OPRM1: variants seen among roughly 807,000 people sequenced by gnomAD.
The protein encoded by OPRM1 is mu-type opioid receptor.
In OPRM1, 27 loss-of-function variants were observed where a neutral mutation model predicts 31.8. The ratio of observed to expected loss-of-function variants is 0.85; its 90% confidence interval spans 0.63 to 1.17. OPRM1 has a LOEUF of 1.17. Ranked by LOEUF, OPRM1 falls within the 50% of genes most tolerant of loss-of-function variation. The probability of loss-of-function intolerance (pLI) is 0.00; values close to 1 mark genes in which losing one functional copy is unlikely to be tolerated. For missense variants in OPRM1, 536 were observed against 511.1 expected, an observed-to-expected ratio of 1.05 and a Z score of -0.47; for synonymous variants, 196 against 189.9, an observed-to-expected ratio of 1.03 and a Z score of -0.26.
rs1475058876 is a variant in OPRM1 at position 154,100,036 on chromosome 6, TC to T, written c.1164+8565del. 1.4e-4 allele frequency among the ~76,000 whole-genome samples: 13 copies of T among 91,598 alleles called. No homozygotes were observed. In the Admixed American group the frequency reaches 1.6e-3, roughly 11 times the overall value. 60.1% of individuals were successfully genotyped at this position (91,598 alleles called of 152,430 possible). A position where few individuals can be genotyped will look rare whatever the true frequency, so the allele number is the denominator to read the frequency against. On this transcript the variant is annotated intron_variant, in intron 3 of 3. Coordinates refer to ENST00000330432, the MANE Select transcript of OPRM1 (RefSeq NM_000914.5). Reference sequence around the variant, plus strand: ...ATATATCATAACATATTATATATTATCATATGATATATATCATATGATATAT... The same window carrying T: ...ATATATCATAACATATTATATATTATATATGATATATATCATATGATATAT...
downstream of OPRM1, among the ~76,000 whole-genome samples, chr6:154,132,586 C>T (rs574064588): frequency 9.2e-4 from 140 of 152,286 alleles, no homozygotes; most frequent in African/African-American, 3.3e-3. Flanking sequence ...ACTTCCTAAG[C>T]TAGAATTCTA....
At chr6:154,051,970 A>G (rs1782284697) in intron 1 of OPRM1, among the ~76,000 whole-genome samples, 1 of 152,236 alleles carries the variant, frequency 6.6e-6, no homozygotes, top group Non-Finnish European at 1.5e-5. Flanking sequence ...AATATGTTAC[A>G]TATACACCAT....
chr6:154,152,352 G>GAA lies in OPRM1; in HGVS notation c.1164+60882_1164+60883dup, dbSNP rs1189648340. On this transcript the variant is annotated intron_variant, in intron 3 of 3. Coordinates refer to the OPRM1 transcript ENST00000337049. ...GAAAGAAAGAAAGAAAGAAAGGAAAGAAAGAAAGAAAGAAAGAAAGAAAGA... is the reference window on the plus strand; with the variant it reads ...GAAAGAAAGAAAGAAAGAAAGGAAAGAAAAAGAAAGAAAGAAAGAAAGAAAGA... 2.1e-5 allele frequency among the ~76,000 whole-genome samples: 3 copies of GAA among 140,808 alleles called. No homozygotes were observed. The South Asian group carries it at 6.8e-4, about 32-fold the overall frequency. The allele number at this position is 140,808 out of a possible 152,430, so 92.4% of individuals were successfully genotyped here.
chr6:154,229,824 T>C (rs952281664), intron 3 of OPRM1, among the ~76,000 whole-genome samples: 1 of 152,224 alleles, frequency 6.6e-6, no homozygotes, highest in African/African-American at 2.4e-5. Context: ...ACAACCTAAA[T>C]GTCCATCAGC....
intron 3 of OPRM1, among the ~76,000 whole-genome samples, chr6:154,117,569 C>T (rs1467343994): frequency 6.6e-6 from 1 of 152,136 alleles, no homozygotes; most frequent in Non-Finnish European, 1.5e-5. Flanking sequence ...AGTCTCAGCA[C>T]CTGGGGGAGC....
chr6:154,150,230 A>G (rs1433793899), intron 3 of OPRM1, among the ~76,000 whole-genome samples: 2 of 152,188 alleles, frequency 1.3e-5, no homozygotes, highest in Non-Finnish European at 2.9e-5. Context: ...CCCAGCATGA[A>G]TTCCTGTGGC....
intron 3 of OPRM1, among the ~76,000 whole-genome samples, chr6:154,187,393 T>A (rs1319121353): frequency 6.6e-6 from 1 of 152,226 alleles, no homozygotes; most frequent in African/African-American, 2.4e-5. Flanking sequence ...TCTGTAGGGC[T>A]GTTTATTTTG....
At chr6:154,073,291 C>G (rs756041621) in intron 1 of OPRM1, among the ~76,000 whole-genome samples, 10 of 152,106 alleles carry the variant, frequency 6.6e-5, no homozygotes, top group Non-Finnish European at 1.2e-4. Flanking sequence ...ATCTTCCAGG[C>G]TAGACATAAG....
At chr6:154,089,129 C>T (rs1033139337) in intron 1 of OPRM1, among the ~76,000 whole-genome samples, 4 of 152,126 alleles carry the variant, frequency 2.6e-5, no homozygotes, top group Non-Finnish European at 5.9e-5. Context: ...TACCTATAGA[C>T]ACTTGCACAA....
chr6:154,108,292 C>T (rs899382574), intron 3 of OPRM1: 2 of 310,092 alleles, frequency 6.4e-6, no homozygotes, highest in African/African-American at 2.2e-5. Flanking sequence ...TTAATCCGAC[C>T]TCTGACTTGC....
chr6:154,152,360 G>GA (rs1445954466), intron 3 of OPRM1, among the ~76,000 whole-genome samples: 2 of 145,730 alleles, frequency 1.4e-5, no homozygotes, highest in African/African-American at 5.4e-5. Context: ...AAGAAAGAAA[G>GA]AAAGAAAGAA....
chr6:154,238,222 G>A (rs1409432270), intron 3 of OPRM1, among the ~76,000 whole-genome samples: 1 of 152,092 alleles, frequency 6.6e-6, no homozygotes, highest in African/African-American at 2.4e-5. Flanking sequence ...ACAACAAAAT[G>A]TCTAAACTCG....
At chr6:154,134,536 T>C (rs972460476), downstream of OPRM1, among the ~76,000 whole-genome samples, 2 of 152,040 alleles carry the variant, frequency 1.3e-5, no homozygotes, top group African/African-American at 4.8e-5. Context: ...TTGCCCTCCC[T>C]CTAATCCCCA....
At chr6:154,107,347 C>T in intron 3 of OPRM1, 1 of 627,306 alleles carries the variant, frequency 1.6e-6, no homozygotes, top group South Asian at 1.9e-5. Context: ...GGCTTTTGAA[C>T]TTCACCAAAG....
At chr6:154,135,960 C>G (rs139815856), downstream of OPRM1, among the ~76,000 whole-genome samples, 35 of 152,310 alleles carry the variant, frequency 2.3e-4, no homozygotes, top group East Asian at 6.0e-3. Flanking sequence ...ATATTAAACT[C>G]AAAACTTTGC....
At chr6:154,205,526 C>A (rs1283370696) in intron 3 of OPRM1, among the ~76,000 whole-genome samples, 2 of 152,198 alleles carry the variant, frequency 1.3e-5, no homozygotes, top group East Asian at 1.9e-4. Flanking sequence ...ACCCAGGAGG[C>A]GGAAGTTGCA....
intron 3 of OPRM1, among the ~76,000 whole-genome samples, chr6:154,150,748 A>G (rs12206165): frequency 0.015 from 2,313 of 152,362 alleles, 24 homozygotes; most frequent in Middle Eastern, 0.037. Context: ...TTGACATTGA[A>G]GACTGGCCAA....
intron 3 of OPRM1, among the ~76,000 whole-genome samples, chr6:154,184,571 A>G (rs1400978029): frequency 6.6e-6 from 1 of 152,136 alleles, no homozygotes; most frequent in East Asian, 1.9e-4. Flanking sequence ...TGGTACATAG[A>G]AAAAATACAC....
At position 154,122,455 on chromosome 6, in the gene OPRM1, T is replaced by C. The variant is rs1797359565; in HGVS notation, c.*3734T>C. 6.6e-6 allele frequency among the ~76,000 whole-genome samples: 1 copy of C among 152,168 alleles called. No individual in the cohort carries two copies. The highest frequency in any genetic ancestry group is 2.4e-5 in the African/African-American group (1 of 41,440). The stretch of plus-strand genomic sequence containing the variant: ...GTTTGATATGGTTCAGGATACATAG[T>C]CATAGAACAGGGCATGCAGATTGTA... On this transcript the variant is annotated 3_prime_UTR_variant, in exon 4 of 4. Coordinates refer to ENST00000330432, the MANE Select transcript of OPRM1 (RefSeq NM_000914.5).
Sources: gnomAD v4.1 joint callset for allele counts (sites outside exome capture counted in the v4.1 genomes callset) on GRCh38, gnomAD v4.1.1 for gene constraint, MANE v1.5 for transcripts, NCBI Gene and HGNC (gene_info 2026-07-23, HGNC 2026-07-21) for gene names.